Variants in TNIK observed in about 807,000 individuals in gnomAD.
TNIK encodes TRAF2 and NCK interacting kinase.
In TNIK, 49 loss-of-function variants were observed where a neutral mutation model predicts 191.3. The ratio of observed to expected loss-of-function variants is 0.26; its 90% CI spans 0.20 to 0.32. TNIK has a LOEUF of 0.32. TNIK is among the 10% of genes least tolerant of loss of function. The pLI is 1.00. For synonymous variants in TNIK, 594 were observed against 600.9 expected, an observed-to-expected ratio of 0.99 and a Z score of 0.17; for missense variants, 1,155 against 1,702.3, an observed-to-expected ratio of 0.68 and a Z score of 5.66.
At chr3:171,109,990 T>C (rs111792368) in intron 19 of TNIK, among the ~76,000 whole-genome samples, 16,226 of 151,972 alleles carry the variant, frequency 0.11, 2,477 homozygotes, top group African/African-American at 0.34. Flanking sequence ...CCACAACCTC[T>C]GCCTCCTGGG....
intron 1 of TNIK, among the ~76,000 whole-genome samples, chr3:171,379,708 C>A (rs1252992224): frequency 1.3e-5 from 2 of 152,142 alleles, no homozygotes; most frequent in Non-Finnish European, 2.9e-5. Flanking sequence ...CTAAAAAAGT[C>A]TTTTAAGAAG....
At chr3:171,320,133 AG>A (rs1176470860) in intron 2 of TNIK, among the ~76,000 whole-genome samples, 1 of 152,182 alleles carries the variant, frequency 6.6e-6, no homozygotes, top group Non-Finnish European at 1.5e-5. Context: ...GCCAGAGGAA[AG>A]GGGGTCCTCC....
intron 9 of TNIK, among the ~76,000 whole-genome samples, chr3:171,168,805 C>T (rs1734929545): frequency 6.6e-6 from 1 of 152,148 alleles, no homozygotes; most frequent in Admixed American, 6.6e-5. Flanking sequence ...GCAGCATCAA[C>T]GTGCCTGAGC....
chr3:171,378,557 C>T (rs972864106), intron 1 of TNIK, among the ~76,000 whole-genome samples: 5 of 152,120 alleles, frequency 3.3e-5, no homozygotes, highest in African/African-American at 1.2e-4. Flanking sequence ...GAATGAATAA[C>T]TCTTATTGGT....
chr3:171,428,551 C>T (rs899233188), intron 1 of TNIK, among the ~76,000 whole-genome samples: 4 of 152,168 alleles, frequency 2.6e-5, no homozygotes, highest in African/African-American at 9.7e-5. Context: ...TAATGCTCGA[C>T]ACTAAATTTC....
intron 10 of TNIK, among the ~76,000 whole-genome samples, chr3:171,164,272 A>G (rs1400810385): frequency 6.6e-6 from 1 of 152,248 alleles, no homozygotes; most frequent in Non-Finnish European, 1.5e-5. Flanking sequence ...GCCCCACAAA[A>G]TGTGGAAACA....
chr3:171,416,850 C>T (rs780750564), intron 1 of TNIK, among the ~76,000 whole-genome samples: 1 of 152,148 alleles, frequency 6.6e-6, no homozygotes, highest in Non-Finnish European at 1.5e-5. Flanking sequence ...CTTTCTCTTG[C>T]CAATAAAGTT....
chr3:171,218,982 TATTAA>T (rs1741850920), intron 3 of TNIK, among the ~76,000 whole-genome samples: 1 of 129,200 alleles, frequency 7.7e-6, no homozygotes, highest in Non-Finnish European at 1.5e-5. Context: ...TTTATATTTA[TATTAA>T]ATTATTACAT....
At chr3:171,425,092 G>T (rs1056107731) in intron 1 of TNIK, among the ~76,000 whole-genome samples, 4 of 151,972 alleles carry the variant, frequency 2.6e-5, no homozygotes, top group Non-Finnish European at 5.9e-5. Flanking sequence ...GCATAAACTG[G>T]TATGTTGCAT....
chr3:171,361,281 A>G (rs1470946068), intron 2 of TNIK, among the ~76,000 whole-genome samples: 1 of 152,218 alleles, frequency 6.6e-6, no homozygotes, highest in African/African-American at 2.4e-5. Flanking sequence ...ATTTCTATAA[A>G]AAGTGAAGGC....
intron 2 of TNIK, among the ~76,000 whole-genome samples, chr3:171,293,309 C>G (rs1751899874): frequency 1.3e-5 from 2 of 152,214 alleles, no homozygotes; most frequent in African/African-American, 4.8e-5. Flanking sequence ...ACAAGATTCA[C>G]AATGTATCTT....
In TNIK at chr3:171,344,730, C is replaced by T. The variant is rs79800791; in HGVS notation, c.123+24890G>A. On this transcript the variant is annotated intron_variant, in intron 2 of 32. Coordinates refer to ENST00000436636, the MANE Select transcript of TNIK (RefSeq NM_015028.4). ...TCTTTTTACAACATTACGAAATTCT[C>T]GTTTTTCTTAACTGACTCCTCCTGC... Among the ~76,000 whole-genome samples the T allele has an allele frequency of 0.019, 2,460 of 132,242 alleles. 190 individuals carry two copies. In the East Asian group the frequency reaches 0.25, roughly 13 times the overall value. 86.8% of individuals were successfully genotyped at this position (132,242 alleles called of 152,430 possible).
intron 24 of TNIK, among the ~76,000 whole-genome samples, chr3:171,086,673 C>T (rs765162537): frequency 8.7e-4 from 132 of 152,144 alleles, no homozygotes; most frequent in Non-Finnish European, 1.5e-3. Flanking sequence ...ACATTTAGGG[C>T]CTTACGTGTG....
chr3:171,116,469 A>G (rs548499984), intron 18 of TNIK, among the ~76,000 whole-genome samples: 1 of 152,390 alleles, frequency 6.6e-6, no homozygotes, highest in Admixed American at 6.5e-5. Flanking sequence ...CAATTATTCC[A>G]TTCATTTGAA....
intron 2 of TNIK, among the ~76,000 whole-genome samples, chr3:171,288,128 T>A (rs56037163): frequency 0.038 from 4,649 of 121,546 alleles, 241 homozygotes; most frequent in African/African-American, 0.14. Context: ...TGAGATCACA[T>A]GGACACAGGA....
intron 4 of TNIK, among the ~76,000 whole-genome samples, chr3:171,199,548 T>A (rs1202097647): frequency 6.6e-6 from 1 of 152,252 alleles, no homozygotes; most frequent in Non-Finnish European, 1.5e-5. Flanking sequence ...TTAATTCTTC[T>A]TCACCTAACT....
intron 21 of TNIK, among the ~76,000 whole-genome samples, chr3:171,103,077 GCTTTTAAATTTGT>G (rs1275376394): frequency 6.6e-6 from 1 of 152,140 alleles, no homozygotes; most frequent in African/African-American, 2.4e-5. Context: ...AAGCAAAATG[GCTTTTAAATTTGT>G]CTTGATGACA....
chr3:171,145,127 C>G (rs1186806308), intron 12 of TNIK, among the ~76,000 whole-genome samples: 1 of 150,548 alleles, frequency 6.6e-6, no homozygotes, highest in Non-Finnish European at 1.5e-5. Context: ...TGCTCTGTCG[C>G]CCAGGCTGGA....
chr3:171,211,310 C>T (rs1740788159), intron 3 of TNIK, 69 bp from the exon 4 acceptor site: 1 of 1,506,276 alleles, frequency 6.6e-7, no homozygotes, highest in Non-Finnish European at 8.9e-7. Context: ...TGTTCTTCAA[C>T]ACCATCTAAA....
Sources: allele counts gnomAD v4.1 joint callset (sites outside exome capture counted in the v4.1 genomes callset), GRCh38; gene constraint gnomAD v4.1.1; transcripts MANE v1.5; gene names NCBI Gene and HGNC (gene_info 2026-07-23, HGNC 2026-07-21).